The following NANOS3 variants were observed in gnomAD, a reference collection of about 807,000 sequenced individuals.
NANOS3 encodes nanos C2HC-type zinc finger 3.
Under a neutral mutation model 13.8 loss-of-function variants are expected in NANOS3, and 11 were observed. The observed-to-expected ratio is 0.80, with a 90% CI of 0.50 to 1.32. The LOEUF is 1.32. Among genes scored for constraint, NANOS3 ranks in the 40% most tolerant of loss-of-function variants. The pLI is 0.00. For synonymous variants in NANOS3, 119 were observed against 115.4 expected, an observed-to-expected ratio of 1.03 and a Z score of -0.20; for missense variants, 221 against 263.8, an observed-to-expected ratio of 0.84 and a Z score of 1.12.
In NANOS3 at chr19:13,878,353, C is replaced by T. The variant is rs111578671; in HGVS notation, c.517+588C>T. Reference sequence around the variant, plus strand: ...TTCCGGGTTCAAGCGATTCTTCTGCCTCAGCCTCCTGAGAAGCTGAGATTA... The same window carrying T: ...TTCCGGGTTCAAGCGATTCTTCTGCTTCAGCCTCCTGAGAAGCTGAGATTA... On this transcript the variant is annotated intron_variant, in intron 1 of 1. Transcript: ENST00000339133. Among the ~76,000 whole-genome samples, 1,178 of 151,714 alleles carry T rather than the reference C, an allele frequency of 7.8e-3. 24 individuals carry two copies. The highest frequency in any genetic ancestry group is 0.028 in the African/African-American group (1,137 of 41,336).
chr19:13,871,690 T>C (rs1976329908), intron 1 of NANOS3, among the ~76,000 whole-genome samples: 1 of 151,768 alleles, frequency 6.6e-6, no homozygotes, highest in Non-Finnish European at 1.5e-5. Context: ...GCCCCCAACA[T>C]TAAAGCTGTT....
chr19:13,872,741 A>G (rs566766038), upstream of NANOS3, among the ~76,000 whole-genome samples: 3 of 152,310 alleles, frequency 2.0e-5, no homozygotes, highest in South Asian at 4.1e-4. Context: ...GAAGCCGATC[A>G]GGCCCCCCCA....
upstream of NANOS3, among the ~76,000 whole-genome samples, chr19:13,872,843 C>T (rs978536446): frequency 1.3e-5 from 2 of 151,992 alleles, no homozygotes; most frequent in African/African-American, 4.8e-5. Flanking sequence ...GGGGTGGGAA[C>T]GTGACCCCGA....
At chr19:13,864,630 TGGGGGGTATATCTCA>T (rs1976203999), upstream of NANOS3, among the ~76,000 whole-genome samples, 1 of 152,054 alleles carries the variant, frequency 6.6e-6, no homozygotes, top group Admixed American at 6.5e-5. Context: ...GTGTGTATGT[TGGGGGGTATATCTCA>T]GGTCTGTGGA....
At chr19:13,862,203 G>C (rs1204187147), upstream of NANOS3, 1 of 152,344 alleles carries the variant, frequency 6.6e-6, no homozygotes, top group Non-Finnish European at 1.5e-5. Flanking sequence ...GAGTGAGTTG[G>C]ACATTTGTGT....
intron 1 of NANOS3, among the ~76,000 whole-genome samples, chr19:13,878,562 G>A (rs1016158332): frequency 6.6e-6 from 1 of 151,640 alleles, no homozygotes; most frequent in Non-Finnish European, 1.5e-5. Flanking sequence ...GATGCAGAAA[G>A]AAGACTTTTA....
At chr19:13,866,265 TGGGGGTGG>T (rs895784757) in intron 1 of NANOS3, among the ~76,000 whole-genome samples, 1 of 151,414 alleles carries the variant, frequency 6.6e-6, no homozygotes, top group Admixed American at 6.6e-5. Context: ...GAGGGCAGGC[TGGGGGTGG>T]GGGGGTGGAA....
chr19:13,867,807 CAA>C (rs1271754720), intron 1 of NANOS3, among the ~76,000 whole-genome samples: 4 of 152,106 alleles, frequency 2.6e-5, no homozygotes, highest in Non-Finnish European at 5.9e-5. Context: ...TAGCCACCCA[CAA>C]AGACACTGTC....
At chr19:13,863,552 G>T (rs891863278), upstream of NANOS3, among the ~76,000 whole-genome samples, 1 of 152,008 alleles carries the variant, frequency 6.6e-6, no homozygotes, top group East Asian at 1.9e-4. Context: ...GGGCTGGCCG[G>T]CAGGGGGGCG....
chr19:13,874,745 G>A (rs1331571373), upstream of NANOS3: 1 of 534,394 alleles, frequency 1.9e-6, no homozygotes, highest in Non-Finnish European at 3.8e-6. Context: ...CTGTCGGTGA[G>A]TTTGGGCAGC....
chr19:13,880,308 G>C (rs150647082), intron 1 of NANOS3, 134 bp from the exon 2 acceptor site: 1 of 745,154 alleles, frequency 1.3e-6, no homozygotes, highest in East Asian at 2.8e-5. Flanking sequence ...AGACGTCACG[G>C]GGTCGCTGTC....
At chr19:13,863,376 A>AT (rs953292865), upstream of NANOS3, among the ~76,000 whole-genome samples, 47 of 150,214 alleles carry the variant, frequency 3.1e-4, no homozygotes, top group Admixed American at 2.7e-3. Context: ...CACCCAGCTA[A>AT]TTTTTTTTTT....
upstream of NANOS3, among the ~76,000 whole-genome samples, chr19:13,872,808 G>A (rs1968421532): frequency 6.6e-6 from 1 of 152,186 alleles, no homozygotes; most frequent in African/African-American, 2.4e-5. Context: ...GCGAGAGAGG[G>A]CGCCCCACTC....
At position 13,880,465 on chromosome 19, in the gene NANOS3, G is replaced by A. The variant is rs776649561; in HGVS notation, c.541G>A (p.Glu181Lys). The stretch of plus-strand genomic sequence containing the variant: ...AGGTTTCAGAGGTGCCGGGAAGTCT[G>A]AGCCTTCGCCCTCCTGCTCTCCCTC... ...GAGFRGAGKS[E>K]PSPSCSPSMS... Residue 181 changes from glutamate to lysine, a missense_variant, in exon 2 of 2, where the codon GAG (glutamate) becomes AAG (lysine). Glu to Lys is a moderately conservative substitution (Grantham distance 56). Around this residue, in one of 3 missense-constraint regions of NANOS3, gnomAD observed 60 missense variants for 56.5 expected, o/e 1.06. Coordinates refer to ENST00000339133, the MANE Select transcript of NANOS3 (RefSeq NM_001098622.3). 6.1e-5 allele frequency: 99 copies of A among 1,613,930 alleles called. No individual in the cohort carries two copies. The highest frequency in any genetic ancestry group is 7.7e-5 in the Non-Finnish European group (91 of 1,179,972).
intron 1 of NANOS3, among the ~76,000 whole-genome samples, chr19:13,870,560 CTTTTTTTTT>C (rs34524831): frequency 2.8e-5 from 2 of 71,640 alleles, no homozygotes; most frequent in African/African-American, 1.3e-4. Context: ...GATAGCGTGG[CTTTTTTTTT>C]TTTTTTTTTT....
upstream of NANOS3, among the ~76,000 whole-genome samples, chr19:13,872,717 G>A (rs1599301396): frequency 6.6e-6 from 1 of 152,244 alleles, no homozygotes; most frequent in African/African-American, 2.4e-5. Flanking sequence ...TGGGGTGGAG[G>A]TGGCGGATAA....
At chr19:13,865,059 C>T (rs894915818), upstream of NANOS3, among the ~76,000 whole-genome samples, 1 of 151,982 alleles carries the variant, frequency 6.6e-6, no homozygotes, top group Non-Finnish European at 1.5e-5. Context: ...CGCGCGGGCC[C>T]CGGGAGCTGC....
At chr19:13,867,334 C>T (rs1976257914) in intron 1 of NANOS3, among the ~76,000 whole-genome samples, 1 of 151,516 alleles carries the variant, frequency 6.6e-6, no homozygotes, top group African/African-American at 2.4e-5. Context: ...AATCTAGGCT[C>T]ACTGCAATCT....
At chr19:13,878,426 A>G (rs1001517292) in intron 1 of NANOS3, among the ~76,000 whole-genome samples, 3 of 151,050 alleles carry the variant, frequency 2.0e-5, no homozygotes, top group Non-Finnish European at 2.9e-5. Flanking sequence ...TTTAGTAGAG[A>G]TGGGGTTTCA....
Sources: gnomAD v4.1 joint callset for allele counts (sites outside exome capture counted in the v4.1 genomes callset) on GRCh38, gnomAD v4.1.1 for gene constraint, gnomAD v4.1.1 regional missense constraint, MANE v1.5 for transcripts, NCBI Gene and HGNC (gene_info 2026-07-23, HGNC 2026-07-21) for gene names.